TPTE2: variants seen among roughly 807,000 people sequenced by gnomAD.
TPTE2 encodes phosphatidylinositol 3,4,5-trisphosphate 3-phosphatase TPTE2.
TPTE2 carries 53 observed loss-of-function variants against 78.6 expected under a neutral mutation model. The ratio of observed to expected loss-of-function variants is 0.67; its 90% CI spans 0.54 to 0.85. The LOEUF is 0.85. Among genes scored for constraint, TPTE2 ranks in the 40% least tolerant of loss-of-function variants. The probability of loss-of-function intolerance (pLI) is 0.00; values close to 1 mark genes in which losing one functional copy is unlikely to be tolerated. For missense variants in TPTE2, 461 were observed against 623.0 expected (o/e 0.74, Z 2.77); for synonymous variants, 175 against 206.2 (o/e 0.85, Z 1.30).
chr13:19,453,027 T>G (rs1353691475), intron 10 of TPTE2, among the ~76,000 whole-genome samples: 1 of 147,148 alleles, frequency 6.8e-6, no homozygotes, highest in Non-Finnish European at 1.5e-5. Context: ...TTTATGTTAT[T>G]TTATTTTATT....
At chr13:19,461,362 T>A (rs1394291169) in intron 10 of TPTE2, among the ~76,000 whole-genome samples, 2 of 152,022 alleles carry the variant, frequency 1.3e-5, no homozygotes, top group Admixed American at 1.3e-4. Context: ...TTGCATACAA[T>A]GTGTAATGAT....
intron 1 of TPTE2, among the ~76,000 whole-genome samples, chr13:19,530,315 C>T (rs772215628): frequency 5.7e-4 from 87 of 152,118 alleles, no homozygotes; most frequent in Admixed American, 3.9e-4. Flanking sequence ...TCAAGCAGGA[C>T]CCTGTCAGTG....
At chr13:19,492,542 T>C (rs1881054382) in intron 3 of TPTE2, among the ~76,000 whole-genome samples, 2 of 152,174 alleles carry the variant, frequency 1.3e-5, no homozygotes, top group Admixed American at 1.3e-4. Flanking sequence ...TCCTACGAAC[T>C]GACCTCCTTA....
At chr13:19,427,844 A>G (rs1393500010) in intron 17 of TPTE2, among the ~76,000 whole-genome samples, 3 of 152,238 alleles carry the variant, frequency 2.0e-5, no homozygotes, top group Non-Finnish European at 4.4e-5. Flanking sequence ...TGGCACCCAC[A>G]ATAAGAAAGG....
chr13:19,505,566 C>T (rs1191064299), upstream of TPTE2, among the ~76,000 whole-genome samples: 1 of 152,088 alleles, frequency 6.6e-6, no homozygotes, highest in Non-Finnish European at 1.5e-5. Flanking sequence ...GTCTTTCCTG[C>T]CCAGAAGATA....
chr13:19,548,687 C>T, the TPTE2 span, among the ~76,000 whole-genome samples: 2 of 151,380 alleles, frequency 1.3e-5, no homozygotes, highest in Admixed American at 6.6e-5. Flanking sequence ...GGACCCCCAC[C>T]TTTGACCATA....
chr13:19,422,972 T>C, exon 20 of TPTE2: 2 of 1,516,552 alleles, frequency 1.3e-6, no homozygotes, highest in Non-Finnish European at 1.8e-6. Flanking sequence ...CACATGAACA[T>C]GTGGCAGGGG....
At chr13:19,542,883 T>C in the TPTE2 span, among the ~76,000 whole-genome samples, 1 of 151,384 alleles carries the variant, frequency 6.6e-6, no homozygotes, top group Non-Finnish European at 1.5e-5. Flanking sequence ...CCCAGCTACA[T>C]GGAAGGCTGC....
the TPTE2 span, among the ~76,000 whole-genome samples, chr13:19,552,278 G>A: frequency 6.6e-6 from 1 of 152,138 alleles, no homozygotes; most frequent in African/African-American, 2.4e-5. Context: ...ATAACCTGTT[G>A]AGCGATTAGA....
rs1349754960 is a variant in TPTE2 at position 19,450,245 on chromosome 13, A to G, written c.884+18T>C. ...ATATTTAGCCCTCTTCTGATAGTCA[A>G]TTTAGCATAAAACTTACTGTAGAGT... On this transcript the variant is annotated intron_variant, in intron 12 of 19. Coordinates refer to ENST00000400230, the Ensembl canonical transcript of TPTE2. The G allele has an allele frequency of 4.3e-6, 7 of 1,610,990 alleles. No individual in the cohort carries two copies. The highest frequency in any genetic ancestry group is 2.2e-5 in the South Asian group (2 of 90,920).
At chr13:19,438,576 G>A in intron 13 of TPTE2, 1 of 281,834 alleles carries the variant, frequency 3.5e-6, no homozygotes, top group Non-Finnish European at 5.4e-6. Flanking sequence ...TATAAATGTA[G>A]ATTTAAAAAT....
chr13:19,560,536 G>A, the TPTE2 span: 1 of 1,589,984 alleles, frequency 6.3e-7, no homozygotes, highest in Non-Finnish European at 8.6e-7. Context: ...CGACAGCGAT[G>A]AGAAGCCTGG....
At chr13:19,425,932 G>C in intron 18 of TPTE2, 1 of 145,576 alleles carries the variant, frequency 6.9e-6, no homozygotes, top group Non-Finnish European at 1.5e-5. Flanking sequence ...ACTCTTTCTA[G>C]TCAGTGCTCC....
chr13:19,511,289 G>T (rs1450376967), intron 1 of TPTE2, among the ~76,000 whole-genome samples: 1 of 152,074 alleles, frequency 6.6e-6, no homozygotes, highest in Admixed American at 6.6e-5. Context: ...TGCACAAGAA[G>T]AATAATCTTA....
chr13:19,428,877 T>A (rs1291980019), intron 17 of TPTE2, among the ~76,000 whole-genome samples: 1 of 152,166 alleles, frequency 6.6e-6, no homozygotes, highest in Admixed American at 6.5e-5. Flanking sequence ...AGGTATTATG[T>A]TAGGGCTATT....
At chr13:19,493,043 TAGGA>T in intron 2 of TPTE2, 140 bp from the exon 6 acceptor site, 1 of 1,193,932 alleles carries the variant, frequency 8.4e-7, no homozygotes, top group Non-Finnish European at 1.2e-6. Context: ...TACTGCTTAG[TAGGA>T]ACTAAGGGTG....
chr13:19,548,171 A>T, the TPTE2 span, among the ~76,000 whole-genome samples: 8 of 152,218 alleles, frequency 5.3e-5, no homozygotes, highest in African/African-American at 1.9e-4. Context: ...GCAATGACCA[A>T]TTCTTTTTGA....
the TPTE2 span, among the ~76,000 whole-genome samples, chr13:19,542,843 T>A: frequency 2.6e-5 from 4 of 151,780 alleles, no homozygotes; most frequent in African/African-American, 7.3e-5. Context: ...ATAAAAACAT[T>A]AGCTAGGCAT....
At chr13:19,489,981 A>G (rs888578454) in intron 3 of TPTE2, among the ~76,000 whole-genome samples, 1 of 152,114 alleles carries the variant, frequency 6.6e-6, no homozygotes, top group Non-Finnish European at 1.5e-5. Flanking sequence ...GTTATGTACA[A>G]TTGCTCTACA....
Sources: allele counts gnomAD v4.1 joint callset (sites outside exome capture counted in the v4.1 genomes callset), GRCh38; gene constraint gnomAD v4.1.1; transcripts MANE v1.5; gene names NCBI Gene and HGNC (gene_info 2026-07-23, HGNC 2026-07-21).